The following TCF7L2 variants were observed in gnomAD, a reference collection of about 807,000 sequenced individuals.
The protein encoded by TCF7L2 is transcription factor 7 like 2, also known as transcription factor 7-like 2.
In TCF7L2, 23 loss-of-function variants were observed where a neutral mutation model predicts 77.9. The ratio of observed to expected loss-of-function variants is 0.30; its 90% CI spans 0.21 to 0.42. TCF7L2 has a LOEUF of 0.42. TCF7L2 is among the 10% of genes least tolerant of loss of function. TCF7L2 has a pLI of 1.00. For missense variants in TCF7L2, 654 were observed against 793.1 expected, an observed-to-expected ratio of 0.82 and a Z score of 2.11; for synonymous variants, 413 against 340.2, an observed-to-expected ratio of 1.21 and a Z score of -2.36.
intron 5 of TCF7L2, chr10:113,089,576 C>T: frequency 1.2e-6 from 2 of 1,607,000 alleles, no homozygotes; most frequent in Non-Finnish European, 1.7e-6. Flanking sequence ...ATGAGATGAG[C>T]TAGCTCTAAA....
At chr10:113,152,098 G>A (rs572659019) in intron 10 of TCF7L2, among the ~76,000 whole-genome samples, 14 of 152,232 alleles carry the variant, frequency 9.2e-5, no homozygotes, top group Middle Eastern at 3.4e-3. Context: ...TCCCCTACCC[G>A]AGCGAGTGAG....
intron 5 of TCF7L2, among the ~76,000 whole-genome samples, chr10:113,140,748 G>T (rs114332775): frequency 0.019 from 2,874 of 152,270 alleles, 51 homozygotes; most frequent in South Asian, 0.028. Flanking sequence ...CCAGTTTCTT[G>T]TAAGTGGTGG....
intron 8 of TCF7L2, among the ~76,000 whole-genome samples, chr10:113,148,557 A>G (rs2070012009): frequency 6.6e-6 from 1 of 152,202 alleles, no homozygotes. Flanking sequence ...ACAGTGAAGT[A>G]AAGTGAGAGT....
At chr10:113,100,642 G>A (rs2061528750) in intron 5 of TCF7L2, among the ~76,000 whole-genome samples, 1 of 152,214 alleles carries the variant, frequency 6.6e-6, no homozygotes, top group African/African-American at 2.4e-5. Context: ...ACTGTCTTCA[G>A]TTAAACTTAT....
chr10:112,987,067 A>G (rs1453182902), intron 4 of TCF7L2, among the ~76,000 whole-genome samples: 2 of 152,238 alleles, frequency 1.3e-5, no homozygotes. Flanking sequence ...GGCACTGGAA[A>G]CGACAACCCG....
intron 5 of TCF7L2, among the ~76,000 whole-genome samples, chr10:113,106,418 AAGGGAGAGTTTAATTT>A (rs1232651166): frequency 6.6e-5 from 10 of 152,214 alleles, no homozygotes; most frequent in Non-Finnish European, 1.5e-5. Context: ...CCTCCGATTC[AAGGGAGAGTTTAATTT>A]TGTGAACCAT....
At chr10:113,013,911 G>A (rs2046887018) in intron 4 of TCF7L2, among the ~76,000 whole-genome samples, 1 of 151,646 alleles carries the variant, frequency 6.6e-6, no homozygotes, top group Non-Finnish European at 1.5e-5. Flanking sequence ...TTTGTTTATT[G>A]AGTTGTTAAC....
At chr10:113,060,969 CTGA>C (rs955336046) in intron 5 of TCF7L2, among the ~76,000 whole-genome samples, 7 of 152,114 alleles carry the variant, frequency 4.6e-5, no homozygotes, top group African/African-American at 1.7e-4. Context: ...TCTGGGAGGC[CTGA>C]GGACTTCAGG....
At chr10:113,077,579 T>C (rs1171866946) in intron 5 of TCF7L2, among the ~76,000 whole-genome samples, 2 of 152,204 alleles carry the variant, frequency 1.3e-5, no homozygotes, top group African/African-American at 2.4e-5. Context: ...GCATTAGATA[T>C]ATACATGAAG....
chr10:112,964,693 G>A (rs551046613), intron 4 of TCF7L2, 69 bp downstream of exon 4: 43 of 1,331,728 alleles, frequency 3.2e-5, no homozygotes, highest in African/African-American at 2.6e-4. Context: ...TTTATTCTCC[G>A]CCCCTTCCCC....
In TCF7L2 at chr10:113,151,219, T is replaced by A; in HGVS notation, c.1001+96T>A. On this transcript the variant is annotated intron_variant, in intron 9 of 13. Transcript: ENST00000627217. This position sits in a 1 kb window ranked among gnomAD's most constrained non-coding sequence, Gnocchi z 5.2. Reference sequence around the variant, plus strand: ...GGTGGCTTTCTGCCTAAGGTTGGCCTCGTTTGGTTTGACTGCAGCCAATAC... The same window carrying A: ...GGTGGCTTTCTGCCTAAGGTTGGCCACGTTTGGTTTGACTGCAGCCAATAC... 6.4e-7 allele frequency: 1 copy of A among 1,564,226 alleles called. No homozygotes were observed. The highest frequency in any genetic ancestry group is 1.7e-5 in the Admixed American group (1 of 58,222).
chr10:113,126,750 C>A, intron 5 of TCF7L2: 1 of 985,602 alleles, frequency 1.0e-6, no homozygotes, highest in Non-Finnish European at 1.2e-6. Flanking sequence ...GCGGCGGCGG[C>A]GCGGGCTGCA....
intron 4 of TCF7L2, among the ~76,000 whole-genome samples, chr10:112,991,711 T>C (rs1434883836): frequency 6.6e-6 from 1 of 152,160 alleles, no homozygotes. Flanking sequence ...GCTGCTGTTT[T>C]CCTGGAGAAG....
intron 8 of TCF7L2, among the ~76,000 whole-genome samples, chr10:113,148,957 C>G (rs74157224): frequency 6.6e-6 from 1 of 152,220 alleles, no homozygotes; most frequent in South Asian, 2.1e-4. Context: ...TGTACACACA[C>G]GTACACACAC....
At chr10:113,146,397 C>T (rs1262214870) in intron 8 of TCF7L2, among the ~76,000 whole-genome samples, 1 of 152,132 alleles carries the variant, frequency 6.6e-6, no homozygotes, top group African/African-American at 2.4e-5. Context: ...TCTCTGTTGT[C>T]CTGTCCTCAG....
intron 5 of TCF7L2, among the ~76,000 whole-genome samples, chr10:113,110,238 T>C (rs1389213420): frequency 6.6e-6 from 1 of 152,200 alleles, no homozygotes; most frequent in African/African-American, 2.4e-5. Flanking sequence ...TTAGTTGTTA[T>C]ACTAGGTTCT....
chr10:112,962,628 C>T (rs1157774712), intron 3 of TCF7L2, among the ~76,000 whole-genome samples: 1 of 152,122 alleles, frequency 6.6e-6, no homozygotes, highest in Non-Finnish European at 1.5e-5. Context: ...GATGGAGTCT[C>T]ACTCTTACCG....
chr10:113,047,645 GT>G (rs1175510815), intron 5 of TCF7L2, among the ~76,000 whole-genome samples: 1 of 152,082 alleles, frequency 6.6e-6, no homozygotes, highest in Non-Finnish European at 1.5e-5. Context: ...TGAATTTTTA[GT>G]TCTATTATCT....
chr10:113,123,380 C>T (rs181999560), intron 5 of TCF7L2, among the ~76,000 whole-genome samples: 40 of 152,316 alleles, frequency 2.6e-4, no homozygotes, highest in Admixed American at 5.2e-4. Flanking sequence ...TTACTTTAGA[C>T]ATCTCAGGTT....
Sources: gnomAD v4.1 joint callset for allele counts (sites outside exome capture counted in the v4.1 genomes callset) on GRCh38, gnomAD v4.1.1 for gene constraint, Gnocchi (gnomAD v3.1) non-coding constraint, MANE v1.5 for transcripts, NCBI Gene and HGNC (gene_info 2026-07-23, HGNC 2026-07-21) for gene names.